The following ACTR3C variants were observed in gnomAD, a reference collection of about 807,000 sequenced individuals.
ACTR3C encodes the protein actin-related protein 3C.
In ACTR3C, 18 loss-of-function variants were observed where a neutral mutation model predicts 26.3. The observed-to-expected ratio is 0.68, with a 90% CI of 0.47 to 1.01. ACTR3C has a LOEUF of 1.01. Among genes scored for constraint, ACTR3C ranks in the 50% least tolerant of loss-of-function variants. The probability of loss-of-function intolerance (pLI) is 0.00; values close to 1 mark genes in which losing one functional copy is unlikely to be tolerated. For synonymous variants in ACTR3C, 55 were observed against 94.5 expected, an observed-to-expected ratio of 0.58 and a Z score of 2.42; for missense variants, 184 against 250.7, an observed-to-expected ratio of 0.73 and a Z score of 1.80.
chr7:149,882,602 C>A, the ACTR3C span, among the ~76,000 whole-genome samples: 107 of 152,308 alleles, frequency 7.0e-4, no homozygotes, highest in Non-Finnish European at 1.3e-3. Flanking sequence ...TGGTGAGGAC[C>A]GTGTTCCTCC....
chr7:149,896,201 G>C, the ACTR3C span, among the ~76,000 whole-genome samples: 2 of 152,232 alleles, frequency 1.3e-5, no homozygotes, highest in Admixed American at 6.5e-5. Context: ...AACAAACAAA[G>C]AAAAAACAGT....
At chr7:150,185,140 G>A in the ACTR3C span, among the ~76,000 whole-genome samples, 13 of 152,090 alleles carry the variant, frequency 8.5e-5, no homozygotes, top group South Asian at 2.7e-3. Flanking sequence ...CCCAAAAGAT[G>A]GGGCTGGGGT....
intron 1 of ACTR3C, among the ~76,000 whole-genome samples, chr7:150,310,518 A>T (rs13229284): frequency 0.04 from 6,138 of 151,882 alleles, 409 homozygotes; most frequent in African/African-American, 0.14. Context: ...GTCCTTCCCA[A>T]CCATCCTGTT....
chr7:150,067,761 A>T, the ACTR3C span, among the ~76,000 whole-genome samples: 1 of 144,758 alleles, frequency 6.9e-6, no homozygotes, highest in African/African-American at 2.6e-5. Flanking sequence ...AAGCCACCTG[A>T]AAAGGCTGAA....
the ACTR3C span, among the ~76,000 whole-genome samples, chr7:150,231,544 T>G: frequency 0.15 from 23,255 of 150,050 alleles, 2,792 homozygotes; most frequent in African/African-American, 0.32. Context: ...AATGGTGGCA[T>G]GATGCATCTC....
At chr7:150,322,528 T>C (rs1413889538) in intron 1 of ACTR3C, 1 of 152,190 alleles carries the variant, frequency 6.6e-6, no homozygotes, top group Non-Finnish European at 1.5e-5. Flanking sequence ...CATGACACCA[T>C]CATGAAATAC....
chr7:150,036,339 C>G, the ACTR3C span, among the ~76,000 whole-genome samples: 3 of 147,804 alleles, frequency 2.0e-5, no homozygotes, highest in African/African-American at 7.3e-5. Context: ...TTTAGCAACC[C>G]TGTCTAGTTG....
chr7:150,223,470 C>T, the ACTR3C span, among the ~76,000 whole-genome samples: 1 of 145,820 alleles, frequency 6.9e-6, no homozygotes, highest in East Asian at 2.0e-4. Flanking sequence ...AAGGTAGATG[C>T]AGGGTTTTTT....
the ACTR3C span, among the ~76,000 whole-genome samples, chr7:150,134,172 G>A: frequency 2.0e-5 from 3 of 150,344 alleles, no homozygotes; most frequent in African/African-American, 7.4e-5. Flanking sequence ...AAACCTGCAC[G>A]TTGTGCACAT....
chr7:150,038,646 G>A, the ACTR3C span, among the ~76,000 whole-genome samples: 10 of 144,772 alleles, frequency 6.9e-5, no homozygotes, highest in South Asian at 2.1e-3. Context: ...CCGTCGGATC[G>A]TAAATCCCAC....
chr7:150,021,400 G>A, the ACTR3C span, among the ~76,000 whole-genome samples: 2 of 151,326 alleles, frequency 1.3e-5, no homozygotes, highest in Non-Finnish European at 2.9e-5. Context: ...CCAAAATAAG[G>A]AGGTGTAGGT....
chr7:150,139,527 A>G, the ACTR3C span, among the ~76,000 whole-genome samples: 3 of 152,260 alleles, frequency 2.0e-5, no homozygotes, highest in Non-Finnish European at 4.4e-5. Flanking sequence ...GCCAAACACC[A>G]TTGTTCTTAA....
At chr7:149,947,089 C>T in the ACTR3C span, among the ~76,000 whole-genome samples, 1 of 151,662 alleles carries the variant, frequency 6.6e-6, no homozygotes, top group Non-Finnish European at 1.5e-5. Context: ...ATCCCGGCTT[C>T]CCCATGTCCT....
the ACTR3C span, among the ~76,000 whole-genome samples, chr7:150,117,310 C>T: frequency 6.6e-6 from 1 of 152,210 alleles, no homozygotes; most frequent in Admixed American, 6.5e-5. Flanking sequence ...CTCCATGGAG[C>T]CCAATAAGCT....
At chr7:150,293,655 GCTGA>G (rs1836478143) in intron 2 of ACTR3C, among the ~76,000 whole-genome samples, 1 of 152,170 alleles carries the variant, frequency 6.6e-6, no homozygotes, top group Admixed American at 6.5e-5. Flanking sequence ...AAGAAACGTG[GCTGA>G]CTGTGGTGAC....
At chr7:150,069,077 TA>T in the ACTR3C span, among the ~76,000 whole-genome samples, 2 of 152,200 alleles carry the variant, frequency 1.3e-5, no homozygotes, top group Non-Finnish European at 2.9e-5. Flanking sequence ...GGGGTATGCC[TA>T]AAACCTACTA....
the ACTR3C span, among the ~76,000 whole-genome samples, chr7:150,191,147 A>C: frequency 6.6e-6 from 1 of 152,226 alleles, no homozygotes; most frequent in Non-Finnish European, 1.5e-5. Flanking sequence ...TCTTGAAATC[A>C]AGTATGAGTA....
the ACTR3C span, among the ~76,000 whole-genome samples, chr7:149,971,075 G>C: frequency 1.3e-5 from 2 of 152,190 alleles, no homozygotes; most frequent in Non-Finnish European, 2.9e-5. Flanking sequence ...ACTGTGTCAG[G>C]AGGCAACCGA....
chr7:150,179,505 A>G, the ACTR3C span, among the ~76,000 whole-genome samples: 1 of 147,716 alleles, frequency 6.8e-6, no homozygotes, highest in South Asian at 2.1e-4. Context: ...TTTTTGTCTT[A>G]TTTTATTTTT....
Sources: gnomAD v4.1 joint callset for allele counts (sites outside exome capture counted in the v4.1 genomes callset) on GRCh38, gnomAD v4.1.1 for gene constraint, MANE v1.5 for transcripts, NCBI Gene and HGNC (gene_info 2026-07-23, HGNC 2026-07-21) for gene names.